The following ATXN1 variants were observed in gnomAD, a reference collection of about 807,000 sequenced individuals.
ATXN1 encodes the protein ataxin-1.
A neutral mutation model predicts 56.4 loss-of-function variants in ATXN1; 8 were observed. The observed-to-expected ratio is 0.14, with a 90% CI of 0.08 to 0.26. The LOEUF (loss-of-function observed/expected upper bound fraction) is 0.26, where lower values mean the gene tolerates loss of function less well. Ranked by LOEUF, ATXN1 falls within the 10% of genes least tolerant of loss-of-function variation. ATXN1 has a pLI of 1.00. For missense variants in ATXN1, 987 were observed against 1,106.5 expected (o/e 0.89, Z 1.53); for synonymous variants, 514 against 494.6 (o/e 1.04, Z -0.52).
intron 6 of ATXN1, among the ~76,000 whole-genome samples, chr6:16,370,476 G>T (rs564905039): frequency 6.6e-6 from 1 of 152,150 alleles, no homozygotes; most frequent in South Asian, 2.1e-4. Context: ...TTGTGTTTAG[G>T]TTATCTTCAA....
intron 2 of ATXN1, among the ~76,000 whole-genome samples, chr6:16,703,527 A>G (rs1008066147): frequency 2.6e-5 from 4 of 152,334 alleles, no homozygotes; most frequent in Admixed American, 1.3e-4. Context: ...TATAACCTCT[A>G]TGAAAAGTAT....
chr6:16,347,989 C>T (rs764080430), intron 6 of ATXN1, among the ~76,000 whole-genome samples: 5 of 152,176 alleles, frequency 3.3e-5, no homozygotes, highest in South Asian at 2.1e-4. Context: ...TTCCTGAAGC[C>T]AGTGAGACCA....
chr6:16,623,964 T>C (rs892039420), intron 3 of ATXN1, among the ~76,000 whole-genome samples: 1 of 152,166 alleles, frequency 6.6e-6, no homozygotes, highest in African/African-American at 2.4e-5. Context: ...GTAGACATTG[T>C]CATAGAAATG....
intron 6 of ATXN1, among the ~76,000 whole-genome samples, chr6:16,339,892 C>T (rs1761206623): frequency 6.6e-6 from 1 of 152,190 alleles, no homozygotes; most frequent in East Asian, 1.9e-4. Flanking sequence ...AAGCGATTCT[C>T]CTGCCTCAGC....
At chr6:16,690,729 A>G (rs887964216) in intron 2 of ATXN1, among the ~76,000 whole-genome samples, 2 of 152,172 alleles carry the variant, frequency 1.3e-5, no homozygotes, top group Non-Finnish European at 2.9e-5. Context: ...GAGAAAACGG[A>G]GGTGGAAAGA....
At chr6:16,464,646 A>C (rs1760066251) in intron 6 of ATXN1, among the ~76,000 whole-genome samples, 1 of 152,118 alleles carries the variant, frequency 6.6e-6, no homozygotes, top group Non-Finnish European at 1.5e-5. Context: ...GAGGAAACTT[A>C]CACGCATATT....
chr6:16,484,491 A>G (rs576560023), intron 6 of ATXN1, among the ~76,000 whole-genome samples: 1 of 152,244 alleles, frequency 6.6e-6, no homozygotes, highest in Admixed American at 6.5e-5. Flanking sequence ...GACTTGCAAA[A>G]TATTGTTTTA....
intron 3 of ATXN1, among the ~76,000 whole-genome samples, chr6:16,638,445 C>CAAAAAA (rs11310261): frequency 2.2e-5 from 2 of 92,580 alleles, no homozygotes; most frequent in Non-Finnish European, 4.5e-5. Context: ...GACGCTGCCT[C>CAAAAAA]AAAAAAAAAA....
intron 2 of ATXN1, among the ~76,000 whole-genome samples, chr6:16,744,289 C>G (rs1205455716): frequency 6.6e-6 from 1 of 152,164 alleles, no homozygotes; most frequent in African/African-American, 2.4e-5. Context: ...TAGCATCGTG[C>G]CTCTCTGGTT....
chr6:16,514,577 G>A (rs1761143059), intron 5 of ATXN1, among the ~76,000 whole-genome samples: 1 of 152,072 alleles, frequency 6.6e-6, no homozygotes, highest in South Asian at 2.1e-4. Flanking sequence ...TTTAAGATTT[G>A]ATCCTAAACC....
At chr6:16,600,647 T>C (rs1762896748) in intron 3 of ATXN1, among the ~76,000 whole-genome samples, 1 of 152,224 alleles carries the variant, frequency 6.6e-6, no homozygotes. Context: ...ATTAAAAAAT[T>C]GCTATCTACA....
rs948148604 is a variant in ATXN1 at position 16,311,855 on chromosome 6, A to G, written c.1918-4996T>C. Among the ~76,000 whole-genome samples the G allele has an allele frequency of 2.6e-5, 4 of 152,128 alleles. No individual in the cohort carries two copies. The East Asian group carries it at 7.7e-4, about 29-fold the overall frequency. On this transcript the variant is annotated intron_variant, in intron 7 of 7. Coordinates refer to ENST00000436367, the MANE Select transcript of ATXN1 (RefSeq NM_001128164.2). ...CAGGTGTTAACATCTGTCTCGTAAGACTCTCTACCAGAGTTGCGGTTTGCT... is the reference window on the plus strand; with the variant it reads ...CAGGTGTTAACATCTGTCTCGTAAGGCTCTCTACCAGAGTTGCGGTTTGCT...
rs112344373 is a variant in ATXN1, at chr6:16,570,412, A to G, written c.-361+15368T>C. ...GTTCACCAGGGCTTCATCTATAAGT[A>G]TAATTCAGAATTTTTTTATTGGTCA... On this transcript the variant is annotated intron_variant, in intron 4 of 7. Transcript: ENST00000436367. Among the ~76,000 whole-genome samples, 243 of 152,290 alleles carry G rather than the reference A, an allele frequency of 1.6e-3. 1 individual carries two copies. Among genetic ancestry groups the G allele is most frequent in the African/African-American group, 5.4e-3 (225 of 41,562 alleles).
intron 4 of ATXN1, among the ~76,000 whole-genome samples, chr6:16,553,770 C>T (rs1328772980): frequency 6.6e-6 from 1 of 152,160 alleles, no homozygotes; most frequent in African/African-American, 2.4e-5. Context: ...TGGGACTGAC[C>T]ATCCCTACTA....
At chr6:16,689,993 G>C (rs936011645) in intron 2 of ATXN1, among the ~76,000 whole-genome samples, 1 of 152,222 alleles carries the variant, frequency 6.6e-6, no homozygotes, top group South Asian at 2.1e-4. Flanking sequence ...CATTACAAGA[G>C]AGGAAGATGA....
chr6:16,731,708 A>G (rs1215816684), intron 2 of ATXN1, among the ~76,000 whole-genome samples: 1 of 151,768 alleles, frequency 6.6e-6, no homozygotes. Context: ...GAAAAAGTAC[A>G]TTTGTCATTT....
chr6:16,627,674 C>G (rs1763431510), intron 3 of ATXN1, among the ~76,000 whole-genome samples: 1 of 152,150 alleles, frequency 6.6e-6, no homozygotes, highest in Non-Finnish European at 1.5e-5. Flanking sequence ...CTGCAGTGAG[C>G]TGAGATCATG....
At chr6:16,399,103 C>T (rs1561881092) in intron 6 of ATXN1, among the ~76,000 whole-genome samples, 1 of 152,216 alleles carries the variant, frequency 6.6e-6, no homozygotes, top group Non-Finnish European at 1.5e-5. Flanking sequence ...AAACTAAACC[C>T]ATCTGTCCCC....
chr6:16,466,460 G>A lies in ATXN1; in HGVS notation c.-161+19512C>T, dbSNP rs115672065. On this transcript the variant is annotated intron_variant, in intron 6 of 7. Coordinates refer to ENST00000436367, the MANE Select transcript of ATXN1 (RefSeq NM_001128164.2). ...TGATCATATTTAGGATAGCGCAAGA[G>A]GGCAGTACAATTGATATTGGCAGAA... Among the ~76,000 whole-genome samples, 1,284 of 152,042 alleles carry A rather than the reference G, an allele frequency of 8.4e-3. 5 individuals carry two copies. Among genetic ancestry groups the A allele is most frequent in the Non-Finnish European group, 0.014 (984 of 67,998 alleles).
Sources: gnomAD v4.1 joint callset for allele counts (sites outside exome capture counted in the v4.1 genomes callset) on GRCh38, gnomAD v4.1.1 for gene constraint, MANE v1.5 for transcripts, NCBI Gene and HGNC (gene_info 2026-07-23, HGNC 2026-07-21) for gene names.